The following PIEZO2 variants were observed in gnomAD, a reference collection of about 807,000 sequenced individuals.
The protein encoded by PIEZO2 is piezo-type mechanosensitive ion channel component 2.
PIEZO2 carries 172 observed loss-of-function variants against 337.3 expected under a neutral mutation model. The observed-to-expected ratio is 0.51, with a 90% CI of 0.45 to 0.58. The LOEUF (loss-of-function observed/expected upper bound fraction) is 0.58, where lower values mean the gene tolerates loss of function less well. PIEZO2 is among the 20% of genes least tolerant of loss of function. The pLI is 0.00. For missense variants in PIEZO2, 3,028 were observed against 3,391.3 expected, an observed-to-expected ratio of 0.89 and a Z score of 2.66; for synonymous variants, 1,251 against 1,228.5, an observed-to-expected ratio of 1.02 and a Z score of -0.38.
At chr18:10,936,881 C>T (rs1278579280) in intron 3 of PIEZO2, among the ~76,000 whole-genome samples, 3 of 152,224 alleles carry the variant, frequency 2.0e-5, no homozygotes, top group Non-Finnish European at 4.4e-5. Context: ...TGCAGTGAAA[C>T]CAGGCTCAGG....
chr18:10,780,416 G>C, intron 17 of PIEZO2, 50 bp from the exon 18 acceptor site: 1 of 702,720 alleles, frequency 1.4e-6, no homozygotes, highest in Non-Finnish European at 2.6e-6. Flanking sequence ...AGACAGGTTG[G>C]AGAGAAAGAG....
At chr18:10,886,478 T>C (rs1420893180) in intron 4 of PIEZO2, among the ~76,000 whole-genome samples, 1 of 8,182 alleles carries the variant, frequency 1.2e-4, no homozygotes, top group Non-Finnish European at 2.1e-4. Flanking sequence ...TGGGGACAAA[T>C]ATCCAAACCA....
rs376013388 is a variant in PIEZO2, at chr18:11,018,382, CGTGTGTGTGTGTGTGTGTGTGTGT to C, written c.161-38746_161-38723del. Reference sequence around the variant, plus strand: ...CTGGGGGTTAGGACTCCCAACATGTCGTGTGTGTGTGTGTGTGTGTGTGTGTGTGTGTGTGTGTGTGTGTGTGTG... The same window carrying C: ...CTGGGGGTTAGGACTCCCAACATGTCGTGTGTGTGTGTGTGTGTGTGTGTG... On this transcript the variant is annotated intron_variant, in intron 2 of 55. Transcript: ENST00000674853. Among the ~76,000 whole-genome samples, 10 of 114,200 alleles carry C rather than the reference CGTGTGTGTGTGTGTGTGTGTGTGT, an allele frequency of 8.8e-5. No homozygotes were observed. In the South Asian group the frequency reaches 2.2e-3, roughly 25 times the overall value. The allele number at this position is 114,200 out of a possible 152,430, so 74.9% of individuals were successfully genotyped here. A position where few individuals can be genotyped will look rare whatever the true frequency, so the allele number is the denominator to read the frequency against.
intron 7 of PIEZO2, among the ~76,000 whole-genome samples, chr18:10,827,714 C>A (rs542735634): frequency 2.6e-5 from 4 of 152,300 alleles, no homozygotes; most frequent in African/African-American, 9.6e-5. Context: ...ATTTCAACTA[C>A]AGATTTTGCA....
intron 15 of PIEZO2, among the ~76,000 whole-genome samples, chr18:10,787,975 T>C (rs190456787): frequency 2.1e-4 from 32 of 152,340 alleles, no homozygotes; most frequent in African/African-American, 7.2e-4. Flanking sequence ...TATATATATA[T>C]GTACACAAAG....
rs1564661 is a variant in PIEZO2 at position 11,016,367 on chromosome 18, C to T, written c.161-36707G>A. 0.31 allele frequency among the ~76,000 whole-genome samples: 47,076 copies of T among 151,916 alleles called. 7,619 individuals carry two copies. Among genetic ancestry groups the T allele is most frequent in the Non-Finnish European group, 0.36 (24,529 of 67,914 alleles). On this transcript the variant is annotated intron_variant, in intron 2 of 55. Transcript: ENST00000674853. The surrounding 1 kb of genome is among the most constrained non-coding windows in gnomAD (Gnocchi z 5.6). ...GGCACAGAGCAAGGACACAAGGCAACATCCAGAGGCAGAAAGGAGGCTGGA... is the reference window on the plus strand; with the variant it reads ...GGCACAGAGCAAGGACACAAGGCAATATCCAGAGGCAGAAAGGAGGCTGGA...
intron 7 of PIEZO2, among the ~76,000 whole-genome samples, chr18:10,838,013 A>G (rs1268510503): frequency 2.6e-5 from 4 of 152,056 alleles, no homozygotes; most frequent in Middle Eastern, 3.4e-3. Context: ...CGGCCTCCCA[A>G]AGTTCTGTGT....
intron 2 of PIEZO2, among the ~76,000 whole-genome samples, chr18:11,045,731 G>C (rs1230630938): frequency 1.3e-5 from 2 of 152,126 alleles, no homozygotes; most frequent in Non-Finnish European, 2.9e-5. Context: ...CATTTTAGCA[G>C]GAATGTGAAT....
rs1301334994 is a variant in PIEZO2 at position 11,127,530 on chromosome 18, T to A, written c.64+20995A>T. On this transcript the variant is annotated intron_variant, in intron 1 of 55. Transcript: ENST00000674853. This position sits in a 1 kb window ranked among gnomAD's most constrained non-coding sequence, Gnocchi z 4.5. ...GACAGGCCTAGTCTCCTAGTCTACA[T>A]CTTTCTCCTGTGCTGAATGCTTCCT... Among the ~76,000 whole-genome samples, 4 of 152,094 alleles carry A rather than the reference T, an allele frequency of 2.6e-5. No individual in the cohort carries two copies. Among genetic ancestry groups the A allele is most frequent in the Non-Finnish European group, 5.9e-5 (4 of 68,014 alleles).
chr18:10,784,961 CA>C lies in PIEZO2; in HGVS notation c.2319-5del. The C allele has an allele frequency of 6.6e-7, 1 of 1,524,324 alleles. No homozygotes were observed. The highest frequency in any genetic ancestry group is 8.8e-7 in the Non-Finnish European group (1 of 1,142,286). The allele number at this position is 1,524,324 out of a possible 1,614,324, so 94.4% of individuals were successfully genotyped here. Reference sequence around the variant, plus strand: ...CTTTAAGCCAAGATCCTCAAGCCTGCAAAACAAAACAAAATAAAAAGCAGGA... The same window carrying C: ...CTTTAAGCCAAGATCCTCAAGCCTGCAAACAAAACAAAATAAAAAGCAGGA... On this transcript the variant is annotated splice_region_variant and splice_polypyrimidine_tract_variant and intron_variant, in intron 16 of 55. Transcript: ENST00000674853. The surrounding 1 kb of genome is among the most constrained non-coding windows in gnomAD (Gnocchi z 4.5).
intron 21 of PIEZO2, among the ~76,000 whole-genome samples, chr18:10,763,591 C>T (rs1177219077): frequency 1.3e-5 from 2 of 152,158 alleles, no homozygotes; most frequent in Admixed American, 6.5e-5. Flanking sequence ...TGAAGTGCAA[C>T]AGGAGGTGAG....
chr18:10,962,180 T>G lies in PIEZO2; in HGVS notation c.286+17355A>C, dbSNP rs62083583. On this transcript the variant is annotated intron_variant, in intron 3 of 55. Transcript: ENST00000674853. This position sits in a 1 kb window ranked among gnomAD's most constrained non-coding sequence, Gnocchi z 4.1. ...CCACTGAATTAGAATTATTTCCAGA[T>G]GCTCTGTTCAATGAAAGAGTCTTAA... is the stretch of plus-strand genomic sequence containing the variant. 2.2e-3 allele frequency among the ~76,000 whole-genome samples: 332 copies of G among 152,330 alleles called. No homozygotes were observed. Among genetic ancestry groups the G allele is most frequent in the East Asian group, 5.6e-3 (29 of 5,184 alleles).
rs1385313972 is a variant in PIEZO2 at position 10,862,330 on chromosome 18, C to T, written c.493-5119G>A. 6.6e-6 allele frequency among the ~76,000 whole-genome samples: 1 copy of T among 151,670 alleles called. No homozygotes were observed. Among genetic ancestry groups the T allele is most frequent in the African/African-American group, 2.4e-5 (1 of 41,240 alleles). ...AGATCTCTCATTTCACATAAGGAAA[C>T]TTTAGGTGCTATGGAATCAACTTTA... On this transcript the variant is annotated intron_variant, in intron 5 of 55. Coordinates refer to ENST00000674853, the MANE Select transcript of PIEZO2 (RefSeq NM_001378183.1). This position sits in a 1 kb window ranked among gnomAD's most constrained non-coding sequence, Gnocchi z 4.4.
chr18:10,994,896 A>G (rs1263671920), intron 2 of PIEZO2, among the ~76,000 whole-genome samples: 3 of 151,794 alleles, frequency 2.0e-5, no homozygotes, highest in Non-Finnish European at 4.4e-5. Flanking sequence ...AGCCTGGCCA[A>G]CAAGGTGAAA....
chr18:10,993,749 G>A lies in PIEZO2; in HGVS notation c.161-14089C>T, dbSNP rs532082075. Among the ~76,000 whole-genome samples the A allele has an allele frequency of 1.8e-4, 28 of 152,184 alleles. No homozygotes were observed. The highest frequency in any genetic ancestry group is 8.3e-4 in the South Asian group (4 of 4,820). On this transcript the variant is annotated intron_variant, in intron 2 of 55. Transcript: ENST00000674853. The surrounding 1 kb of genome is among the most constrained non-coding windows in gnomAD (Gnocchi z 5.0). ...TCACCATGTTAGCCAGGATGGTCTC[G>A]ATCTCCTGACTTCGTGATCTGCCCG...
rs377189851 is a variant in PIEZO2, at chr18:10,995,041, G to A, written c.161-15381C>T. Among the ~76,000 whole-genome samples, 3 of 140,552 alleles carry A rather than the reference G, an allele frequency of 2.1e-5. No individual in the cohort carries two copies. In the East Asian group the frequency reaches 6.2e-4, roughly 29 times the overall value. The allele number at this position is 140,552 out of a possible 152,430, so 92.2% of individuals were successfully genotyped here. On this transcript the variant is annotated intron_variant, in intron 2 of 55. Coordinates refer to ENST00000674853, the MANE Select transcript of PIEZO2 (RefSeq NM_001378183.1). ...TCTCAAAAGCCGAGATCGTGCCACT[G>A]CACTCCAGCCTGGGCAACAGAGTGA...
At position 10,962,752 on chromosome 18, in the gene PIEZO2, A is replaced by C. The variant is rs1290863568; in HGVS notation, c.286+16783T>G. Among the ~76,000 whole-genome samples, 1 of 152,134 alleles carries C rather than the reference A, an allele frequency of 6.6e-6. No individual in the cohort carries two copies. The highest frequency in any genetic ancestry group is 2.4e-5 in the African/African-American group (1 of 41,436). On this transcript the variant is annotated intron_variant, in intron 3 of 55. Coordinates refer to ENST00000674853, the MANE Select transcript of PIEZO2 (RefSeq NM_001378183.1). This position sits in a 1 kb window ranked among gnomAD's most constrained non-coding sequence, Gnocchi z 4.1. ...ATTTCATCCCCAAGATAAATCCATC[A>C]TTTAGCCTCTTTAAATGGAAGGGTC...
chr18:11,025,572 A>G (rs2036510657), intron 2 of PIEZO2, among the ~76,000 whole-genome samples: 1 of 152,000 alleles, frequency 6.6e-6, no homozygotes, highest in Non-Finnish European at 1.5e-5. Flanking sequence ...CTGGCAAGAG[A>G]ACTCAGGAAA....
At chr18:10,978,762 A>G (rs1044323543) in intron 3 of PIEZO2, among the ~76,000 whole-genome samples, 1 of 152,352 alleles carries the variant, frequency 6.6e-6, no homozygotes, top group Non-Finnish European at 1.5e-5. Flanking sequence ...GACAAGTTAA[A>G]ACTGTTATTA....
Sources: allele counts gnomAD v4.1 joint callset (sites outside exome capture counted in the v4.1 genomes callset), GRCh38; gene constraint gnomAD v4.1.1; non-coding constraint Gnocchi (gnomAD v3.1); transcripts MANE v1.5; gene names NCBI Gene and HGNC (gene_info 2026-07-23, HGNC 2026-07-21).